Variants in DAG1 observed in about 807,000 individuals in gnomAD.
DAG1 encodes the protein dystroglycan 1.
In DAG1, 8 loss-of-function variants were observed where a neutral mutation model predicts 46.1. The ratio of observed to expected loss-of-function variants is 0.17; its 90% confidence interval spans 0.10 to 0.31. The LOEUF (loss-of-function observed/expected upper bound fraction) is 0.31, where lower values mean the gene tolerates loss of function less well. DAG1 is among the 10% of genes least tolerant of loss of function. The probability of loss-of-function intolerance (pLI) is 1.00; values close to 1 mark genes in which losing one functional copy is unlikely to be tolerated. For synonymous variants in DAG1, 495 were observed against 481.8 expected, an observed-to-expected ratio of 1.03 and a Z score of -0.36; for missense variants, 1,003 against 1,189.9, an observed-to-expected ratio of 0.84 and a Z score of 2.31.
At chr3:49,507,408 C>T (rs938548130) in intron 1 of DAG1, among the ~76,000 whole-genome samples, 1 of 151,924 alleles carries the variant, frequency 6.6e-6, no homozygotes, top group African/African-American at 2.4e-5. Flanking sequence ...ATTAAAAATA[C>T]AAAAATTAGC....
chr3:49,487,948 C>T (rs146694156), intron 1 of DAG1, among the ~76,000 whole-genome samples: 3 of 151,944 alleles, frequency 2.0e-5, no homozygotes, highest in Admixed American at 6.6e-5. Context: ...GTGATCTGCC[C>T]GCCTCGGCTT....
At chr3:49,519,337 C>G (rs909919067) in intron 2 of DAG1, among the ~76,000 whole-genome samples, 1 of 152,178 alleles carries the variant, frequency 6.6e-6, no homozygotes, top group African/African-American at 2.4e-5. Context: ...TTCCCTTTAG[C>G]CTTCTTGCCT....
At position 49,478,802 on chromosome 3, in the gene DAG1, C is replaced by CTT. The variant is rs201202889; in HGVS notation, c.-117+8396_-117+8397dup. On this transcript the variant is annotated intron_variant, in intron 1 of 2. Coordinates refer to ENST00000308775, the MANE Select transcript of DAG1 (RefSeq NM_004393.6). ...TGAAAAGTCTCTTGTCGTCCCCTCC[C>CTT]TTTTTTTTTTTTTTTTTTTTTTTTT... Among the ~76,000 whole-genome samples the CTT allele has an allele frequency of 1.1e-3, 84 of 76,008 alleles. 3 individuals carry two copies. Among genetic ancestry groups the CTT allele is most frequent in the African/African-American group, 1.9e-3 (36 of 18,622 alleles). 49.9% of individuals were successfully genotyped at this position (76,008 alleles called of 152,430 possible). A position where few individuals can be genotyped will look rare whatever the true frequency, so the allele number is the denominator to read the frequency against.
intron 1 of DAG1, among the ~76,000 whole-genome samples, chr3:49,483,668 G>T (rs1368473560): frequency 7.2e-6 from 1 of 138,644 alleles, no homozygotes; most frequent in African/African-American, 2.5e-5. Context: ...TATGATTGAA[G>T]AAATTGTGTT....
intron 1 of DAG1, 58 bp from the exon 2 acceptor site, chr3:49,510,361 T>A (rs192625591): frequency 1.5e-6 from 1 of 665,462 alleles, no homozygotes. Flanking sequence ...TGGAGGATAG[T>A]ATGTGACTGA....
intron 1 of DAG1, among the ~76,000 whole-genome samples, chr3:49,502,983 T>A (rs2050498455): frequency 2.0e-5 from 3 of 152,236 alleles, no homozygotes. Flanking sequence ...TTAGTTTTTT[T>A]AATTGTCCTA....
At position 49,531,861 on chromosome 3, in the gene DAG1, C is replaced by T. The variant is rs767240386; in HGVS notation, c.1350C>T (p.Thr450=). Residue 450 remains threonine, a synonymous_variant, in exon 3 of 3, where the codon ACC becomes ACT. Coordinates refer to ENST00000308775, the MANE Select transcript of DAG1 (RefSeq NM_004393.6). This position sits in a 1 kb window ranked among gnomAD's most constrained non-coding sequence, Gnocchi z 7.0. ...CCACCACCACGACTCGCAGGCCAAC[C>T]AAGAAACCACGGACACCCCGGCCAG... ...DSTTTTTRRP[T]KKPRTPRPVP... 6.2e-7 allele frequency: 1 copy of T among 1,614,084 alleles called. No individual in the cohort carries two copies. Among genetic ancestry groups the T allele is most frequent in the South Asian group, 1.1e-5 (1 of 91,068 alleles).
intron 1 of DAG1, among the ~76,000 whole-genome samples, chr3:49,505,988 T>C (rs1407625749): frequency 6.7e-6 from 1 of 150,092 alleles, no homozygotes; most frequent in Non-Finnish European, 1.5e-5. Context: ...TTTCTTTTTT[T>C]TTTTTTTTGA....
chr3:49,501,789 G>A (rs6797664), intron 1 of DAG1, among the ~76,000 whole-genome samples: 42,437 of 149,288 alleles, frequency 0.28, 6,562 homozygotes, highest in Middle Eastern at 0.31. Context: ...ACTCCAGCCC[G>A]GGTGACAGAG....
At chr3:49,528,275 A>ATTGTTTTTTTTTTTTTT (rs2051239378) in intron 2 of DAG1, among the ~76,000 whole-genome samples, 1 of 66,658 alleles carries the variant, frequency 1.5e-5, no homozygotes, top group Admixed American at 2.1e-4. Flanking sequence ...AAATAGTGTG[A>ATTGTTTTTTTTTTTTTT]TTTTTTTTTT....
At chr3:49,524,125 AG>A (rs907226420) in intron 2 of DAG1, among the ~76,000 whole-genome samples, 2 of 152,144 alleles carry the variant, frequency 1.3e-5, no homozygotes, top group African/African-American at 4.8e-5. Context: ...CTGCTTTGTT[AG>A]GGTAGAGCAG....
intron 1 of DAG1, among the ~76,000 whole-genome samples, chr3:49,478,299 G>T (rs1421591951): frequency 6.8e-6 from 1 of 146,760 alleles, no homozygotes; most frequent in South Asian, 2.2e-4. Flanking sequence ...AGAAAAAAAA[G>T]TGGAAAGAAA....
intron 2 of DAG1, among the ~76,000 whole-genome samples, chr3:49,522,630 TG>T (rs1410602614): frequency 6.6e-6 from 1 of 152,160 alleles, no homozygotes; most frequent in African/African-American, 2.4e-5. Flanking sequence ...TTTGTGGATC[TG>T]CCCAGGTTTT....
At chr3:49,522,491 A>G (rs1275063872) in intron 2 of DAG1, among the ~76,000 whole-genome samples, 1 of 103,558 alleles carries the variant, frequency 9.7e-6, no homozygotes, top group Middle Eastern at 0.011. Flanking sequence ...TTTTTTTTTA[A>G]GACTGCATCA....
rs1355874460 is a variant in DAG1, at chr3:49,534,283, G to A, written c.*1084G>A. On this transcript the variant is annotated 3_prime_UTR_variant, in exon 3 of 3. Coordinates refer to ENST00000308775, the MANE Select transcript of DAG1 (RefSeq NM_004393.6). Reference sequence around the variant, plus strand: ...ATGCAATATTTTTATGTCATGTGATGCTCTTTCCTCACTTGACCTTGGCCG... The same window carrying A: ...ATGCAATATTTTTATGTCATGTGATACTCTTTCCTCACTTGACCTTGGCCG... 1 of 152,282 alleles carries A rather than the reference G, an allele frequency of 6.6e-6. No homozygotes were observed. Among genetic ancestry groups the A allele is most frequent in the Non-Finnish European group, 1.5e-5 (1 of 67,998 alleles). The allele number at this position is 152,282 out of a possible 1,614,324, so 9.4% of individuals were successfully genotyped here.
At chr3:49,487,250 C>T (rs182065802) in intron 1 of DAG1, 2 of 152,316 alleles carry the variant, frequency 1.3e-5, no homozygotes, top group African/African-American at 4.8e-5. Context: ...TCCTCTTTGC[C>T]TAGGCACACG....
intron 1 of DAG1, among the ~76,000 whole-genome samples, chr3:49,481,396 CAAAAAA>C (rs10715955): frequency 2.1e-5 from 2 of 93,840 alleles, no homozygotes; most frequent in African/African-American, 3.9e-5. Flanking sequence ...GACTCTGCCT[CAAAAAA>C]AAAAAAAAAA....
intron 1 of DAG1, among the ~76,000 whole-genome samples, chr3:49,472,721 G>A (rs1021968000): frequency 1.3e-5 from 2 of 151,944 alleles, no homozygotes; most frequent in African/African-American, 4.8e-5. Context: ...GCAGGAGAAT[G>A]GCGTGAACCC....
At chr3:49,486,039 G>A (rs1010249781) in intron 1 of DAG1, among the ~76,000 whole-genome samples, 3 of 151,990 alleles carry the variant, frequency 2.0e-5, no homozygotes, top group African/African-American at 7.3e-5. Flanking sequence ...AGTCAGGGAG[G>A]CATGGGCTGT....
Sources: allele counts gnomAD v4.1 joint callset (sites outside exome capture counted in the v4.1 genomes callset), GRCh38; gene constraint gnomAD v4.1.1; non-coding constraint Gnocchi (gnomAD v3.1); transcripts MANE v1.5; gene names NCBI Gene and HGNC (gene_info 2026-07-23, HGNC 2026-07-21).